The following CCND3 variants were observed in gnomAD, a reference collection of about 807,000 sequenced individuals.
CCND3 encodes the protein cyclin D3.
In CCND3, 9 loss-of-function variants were observed where a neutral mutation model predicts 28.7. The ratio of observed to expected loss-of-function variants is 0.31; its 90% CI spans 0.19 to 0.55. The LOEUF is 0.55. Ranked by LOEUF, CCND3 falls within the 20% of genes least tolerant of loss-of-function variation. CCND3 has a pLI of 0.93. For synonymous variants in CCND3, 164 were observed against 163.9 expected (o/e 1.00, Z 0.00); for missense variants, 315 against 385.8 (o/e 0.82, Z 1.54).
intron 1 of CCND3, among the ~76,000 whole-genome samples, chr6:41,946,876 G>C (rs1000524371): frequency 1.1e-4 from 17 of 151,164 alleles, no homozygotes; most frequent in African/African-American, 4.9e-5. Context: ...CCTGAAGTCA[G>C]GAGTTCAAGA....
intron 1 of CCND3, among the ~76,000 whole-genome samples, chr6:41,960,315 G>A (rs897025379): frequency 6.6e-6 from 1 of 152,180 alleles, no homozygotes; most frequent in African/African-American, 2.4e-5. Context: ...TTAGATTATG[G>A]TAGTAGCTAC....
At chr6:41,993,310 C>T (rs1285475477) in intron 1 of CCND3, among the ~76,000 whole-genome samples, 3 of 152,058 alleles carry the variant, frequency 2.0e-5, no homozygotes, top group Admixed American at 1.3e-4. Context: ...ATCCTCACAG[C>T]ATAGATGATA....
intron 1 of CCND3, among the ~76,000 whole-genome samples, chr6:41,986,640 T>A (rs1455680788): frequency 6.6e-6 from 1 of 152,020 alleles, no homozygotes; most frequent in Non-Finnish European, 1.5e-5. Context: ...ATAATTTAAC[T>A]AAATTTATTA....
intron 1 of CCND3, among the ~76,000 whole-genome samples, chr6:42,008,935 T>C (rs1437032893): frequency 1.3e-5 from 2 of 152,126 alleles, no homozygotes; most frequent in Non-Finnish European, 2.9e-5. Flanking sequence ...AGGTTCAAGA[T>C]GGAAGGAGGT....
chr6:41,956,854 C>G (rs1429396846), intron 1 of CCND3, among the ~76,000 whole-genome samples: 1 of 151,788 alleles, frequency 6.6e-6, no homozygotes, highest in Non-Finnish European at 1.5e-5. Context: ...CAGTGAAACC[C>G]CGCCTCTACT....
chr6:42,023,524 C>T (rs1276999908), intron 1 of CCND3, among the ~76,000 whole-genome samples: 3 of 152,184 alleles, frequency 2.0e-5, no homozygotes, highest in Non-Finnish European at 4.4e-5. Flanking sequence ...AAACCTAACC[C>T]TGTATTTCCC....
At chr6:41,970,849 G>T (rs1310120498) in intron 1 of CCND3, among the ~76,000 whole-genome samples, 1 of 151,886 alleles carries the variant, frequency 6.6e-6, no homozygotes, top group Non-Finnish European at 1.5e-5. Flanking sequence ...TACCAGTTTT[G>T]TGTTCTGTTT....
chr6:41,974,274 C>T (rs1167703878), intron 1 of CCND3, among the ~76,000 whole-genome samples: 23 of 152,192 alleles, frequency 1.5e-4, no homozygotes. Context: ...TCCAACTCCA[C>T]GAGTGATTTC....
At chr6:42,047,982 T>C (rs1465115349) in intron 1 of CCND3, 2 of 152,806 alleles carry the variant, frequency 1.3e-5, no homozygotes, top group Non-Finnish European at 2.9e-5. Context: ...TCAATGCAAA[T>C]GAATAACTTA....
chr6:41,943,275 C>A (rs1378853951), upstream of CCND3, among the ~76,000 whole-genome samples: 1 of 152,076 alleles, frequency 6.6e-6, no homozygotes, highest in Non-Finnish European at 1.5e-5. Context: ...AGGAAATAAT[C>A]ATTTGCAATT....
At chr6:42,037,584 T>C (rs1414056349) in intron 1 of CCND3, among the ~76,000 whole-genome samples, 3 of 152,188 alleles carry the variant, frequency 2.0e-5, no homozygotes, top group African/African-American at 4.8e-5. Context: ...TTCTTATTGT[T>C]ACTTTAAATA....
upstream of CCND3, among the ~76,000 whole-genome samples, chr6:41,944,583 G>T (rs937805144): frequency 2.6e-5 from 4 of 151,842 alleles, no homozygotes; most frequent in African/African-American, 4.8e-5. Flanking sequence ...CACCATGCCC[G>T]GCTAATTTTT....
intron 1 of CCND3, among the ~76,000 whole-genome samples, chr6:41,957,626 T>C (rs1776468621): frequency 6.6e-6 from 1 of 152,038 alleles, no homozygotes. Flanking sequence ...AATCCTGTTT[T>C]CTCCCAAAAA....
At chr6:41,940,123 G>C (rs556689801) in intron 2 of CCND3, among the ~76,000 whole-genome samples, 20 of 152,214 alleles carry the variant, frequency 1.3e-4, no homozygotes, top group Non-Finnish European at 2.2e-4. Flanking sequence ...CCAGGAAGGA[G>C]TGGCATCCCC....
Position 41,940,446 on chromosome 6 carries a change from A to T in CCND3, c.338T>A (p.Leu113Gln). ...GATGGTCAGGGGCGTGGTCTCGCGC[A>T]GCTTGGAGGCCAGCAGCATGCAGAC... Reference protein sequence around the residue: ...GAVCMLLASKLRETTPLTIEK... With the variant: ...GAVCMLLASKQRETTPLTIEK... Residue 113 changes from leucine (L) to glutamine (Q), a missense_variant, in exon 2 of 5, where the codon CTG (leucine) becomes CAG (glutamine). Leu to Gln is a moderately radical substitution (Grantham distance 113). Transcript: ENST00000372991. The T allele has an allele frequency of 6.2e-7, 1 of 1,614,158 alleles. No individual in the cohort carries two copies. The highest frequency in any genetic ancestry group is 8.5e-7 in the Non-Finnish European group (1 of 1,180,026).
At chr6:41,990,248 G>C (rs1762609264) in intron 1 of CCND3, among the ~76,000 whole-genome samples, 1 of 151,608 alleles carries the variant, frequency 6.6e-6, no homozygotes, top group African/African-American at 2.4e-5. Context: ...GGAGGTGAAA[G>C]ACTTCTACAA....
intron 1 of CCND3, among the ~76,000 whole-genome samples, chr6:42,014,992 T>G (rs527486478): frequency 6.6e-6 from 1 of 152,324 alleles, no homozygotes; most frequent in South Asian, 2.1e-4. Context: ...CTGAAATTGA[T>G]CCTGCCCTCA....
intron 1 of CCND3, among the ~76,000 whole-genome samples, chr6:41,953,062 G>T (rs1042043510): frequency 1.3e-5 from 2 of 151,440 alleles, no homozygotes; most frequent in African/African-American, 4.9e-5. Context: ...ACCTGAGGTC[G>T]GGAGTTTAAG....
At chr6:42,028,079 C>A (rs1763935650) in intron 1 of CCND3, among the ~76,000 whole-genome samples, 1 of 152,198 alleles carries the variant, frequency 6.6e-6, no homozygotes, top group Admixed American at 6.5e-5. Context: ...AAATTGCTTA[C>A]AGGTTTGTGG....
Sources: allele counts gnomAD v4.1 joint callset (sites outside exome capture counted in the v4.1 genomes callset), GRCh38; gene constraint gnomAD v4.1.1; transcripts MANE v1.5; gene names NCBI Gene and HGNC (gene_info 2026-07-23, HGNC 2026-07-21).